Variants in CHRM3 observed in about 807,000 individuals in gnomAD.
CHRM3 encodes muscarinic acetylcholine receptor M3.
In CHRM3, 11 loss-of-function variants were observed where a neutral mutation model predicts 41.8. The ratio of observed to expected loss-of-function variants is 0.26; its 90% confidence interval spans 0.17 to 0.44. The LOEUF (loss-of-function observed/expected upper bound fraction) is 0.44. Ranked by LOEUF, CHRM3 falls within the 20% of genes least tolerant of loss-of-function variation. CHRM3 has a pLI of 1.00. For synonymous variants in CHRM3, 297 were observed against 301.4 expected (o/e 0.99, Z 0.15); for missense variants, 571 against 745.4 (o/e 0.77, Z 2.72).
intron 5 of CHRM3, among the ~76,000 whole-genome samples, chr1:239,708,059 A>G (rs1303393797): frequency 1.3e-5 from 2 of 152,240 alleles, no homozygotes; most frequent in Non-Finnish European, 2.9e-5. Context: ...CAGTAAGTGA[A>G]TGTGCTAATT....
intron 5 of CHRM3, among the ~76,000 whole-genome samples, chr1:239,759,946 G>A (rs898388810): frequency 2.6e-5 from 4 of 151,572 alleles, no homozygotes; most frequent in African/African-American, 4.9e-5. Flanking sequence ...ATGGAGTCTC[G>A]CTCCATCGCC....
chr1:239,629,905 G>A (rs1669611123), intron 3 of CHRM3, among the ~76,000 whole-genome samples: 1 of 152,142 alleles, frequency 6.6e-6, no homozygotes, highest in Non-Finnish European at 1.5e-5. Flanking sequence ...GTTTGATTAT[G>A]TGACCTTTGA....
chr1:239,649,375 CTGT>C (rs1033818020), intron 4 of CHRM3, among the ~76,000 whole-genome samples: 14 of 152,318 alleles, frequency 9.2e-5, no homozygotes, highest in Admixed American at 7.2e-4. Flanking sequence ...CGATACATTT[CTGT>C]TGTTTATAAG....
chr1:239,501,638 GAGGTC>G (rs1186587893), intron 2 of CHRM3, among the ~76,000 whole-genome samples: 10 of 152,024 alleles, frequency 6.6e-5, no homozygotes, highest in Non-Finnish European at 2.9e-5. Context: ...GGCAGATCAC[GAGGTC>G]AGGAGACCAA....
intron 4 of CHRM3, among the ~76,000 whole-genome samples, chr1:239,661,041 A>T (rs1673150069): frequency 6.6e-6 from 1 of 152,310 alleles, no homozygotes; most frequent in East Asian, 1.9e-4. Context: ...TGAGGCATTT[A>T]AAAATAATAA....
At chr1:239,408,634 A>G (rs1442354214) in intron 1 of CHRM3, among the ~76,000 whole-genome samples, 2 of 151,784 alleles carry the variant, frequency 1.3e-5, no homozygotes, top group South Asian at 4.2e-4. Context: ...ATGTTGGCCC[A>G]GGATGCTCTT....
intron 6 of CHRM3, among the ~76,000 whole-genome samples, chr1:239,879,850 C>T (rs1572574763): frequency 6.6e-6 from 1 of 152,350 alleles, no homozygotes; most frequent in East Asian, 1.9e-4. Context: ...TACAATGACA[C>T]TGGACATAGT....
intron 6 of CHRM3, among the ~76,000 whole-genome samples, chr1:239,864,205 C>T (rs1376510190): frequency 6.6e-6 from 1 of 151,998 alleles, no homozygotes; most frequent in Non-Finnish European, 1.5e-5. Context: ...ACCAAAAAAA[C>T]TCTGAAAGGT....
chr1:239,407,527 C>A (rs1214689608), intron 1 of CHRM3, among the ~76,000 whole-genome samples: 1 of 152,034 alleles, frequency 6.6e-6, no homozygotes, highest in East Asian at 1.9e-4. Flanking sequence ...CTCAATCCCA[C>A]TTTTATTTTT....
chr1:239,581,584 G>A (rs758841911), intron 3 of CHRM3, among the ~76,000 whole-genome samples: 2 of 151,990 alleles, frequency 1.3e-5, no homozygotes, highest in Non-Finnish European at 2.9e-5. Flanking sequence ...GATTAATTCT[G>A]GATTATTAAT....
chr1:239,586,400 A>G (rs1004741738), intron 3 of CHRM3, among the ~76,000 whole-genome samples: 2 of 151,990 alleles, frequency 1.3e-5, no homozygotes, highest in Admixed American at 6.6e-5. Flanking sequence ...ACTGCAGCCT[A>G]TTTTTTTGCA....
At chr1:239,821,491 C>T (rs545097984) in intron 5 of CHRM3, among the ~76,000 whole-genome samples, 5 of 152,266 alleles carry the variant, frequency 3.3e-5, no homozygotes, top group Admixed American at 3.3e-4. Context: ...ATTCTGATTG[C>T]CCCTCTTTCC....
chr1:239,475,044 G>A (rs967976369), intron 1 of CHRM3, among the ~76,000 whole-genome samples: 1 of 151,968 alleles, frequency 6.6e-6, no homozygotes, highest in East Asian at 1.9e-4. Context: ...CTAGTTGTTT[G>A]GGGGGACCAA....
At chr1:239,415,074 G>C (rs1391652257) in intron 1 of CHRM3, among the ~76,000 whole-genome samples, 1 of 152,182 alleles carries the variant, frequency 6.6e-6, no homozygotes, top group Admixed American at 6.5e-5. Flanking sequence ...TCTGGTTTCA[G>C]TTTCTGGAGT....
chr1:239,774,315 G>A (rs141865809), intron 5 of CHRM3, among the ~76,000 whole-genome samples: 1 of 152,082 alleles, frequency 6.6e-6, no homozygotes, highest in Non-Finnish European at 1.5e-5. Context: ...TACTTTTAAT[G>A]TATTTTAATA....
chr1:239,863,103 G>A (rs191546991), intron 6 of CHRM3, among the ~76,000 whole-genome samples: 27 of 152,258 alleles, frequency 1.8e-4, no homozygotes, highest in Admixed American at 1.4e-3. Context: ...GATAAAGGAC[G>A]GAGCCAAAAC....
chr1:239,463,602 G>A (rs764943692), intron 1 of CHRM3, among the ~76,000 whole-genome samples: 1 of 152,016 alleles, frequency 6.6e-6, no homozygotes, highest in South Asian at 2.1e-4. Context: ...GAAAATACAG[G>A]ACTATGTGAA....
chr1:239,404,593 C>G (rs1476887684), intron 1 of CHRM3, among the ~76,000 whole-genome samples: 1 of 150,450 alleles, frequency 6.6e-6, no homozygotes. Context: ...TGAGATGTTT[C>G]TCAGGCTTTG....
intron 4 of CHRM3, among the ~76,000 whole-genome samples, chr1:239,645,110 A>G (rs736068): frequency 0.013 from 1,958 of 152,288 alleles, 57 homozygotes; most frequent in African/African-American, 0.045. Flanking sequence ...AGCCGCCCTC[A>G]GCCGTGCTTA....
Sources: gnomAD v4.1 joint callset for allele counts (sites outside exome capture counted in the v4.1 genomes callset) on GRCh38, gnomAD v4.1.1 for gene constraint, MANE v1.5 for transcripts, NCBI Gene and HGNC (gene_info 2026-07-23, HGNC 2026-07-21) for gene names.